The following ATXN1 variants were observed in gnomAD, a reference collection of about 807,000 sequenced individuals.
ATXN1 encodes the protein ataxin 1.
ATXN1 carries 8 observed loss-of-function variants against 56.4 expected under a neutral mutation model. That is an observed-to-expected ratio of 0.14 (90% confidence interval 0.08 to 0.26). ATXN1 has a LOEUF of 0.26. Ranked by LOEUF, ATXN1 falls within the 10% of genes least tolerant of loss-of-function variation. The pLI is 1.00. For missense variants in ATXN1, 987 were observed against 1,106.5 expected (o/e 0.89, Z 1.53); for synonymous variants, 514 against 494.6 (o/e 1.04, Z -0.52).
chr6:16,513,992 C>A (rs1761130465), intron 5 of ATXN1, among the ~76,000 whole-genome samples: 1 of 152,132 alleles, frequency 6.6e-6, no homozygotes, highest in South Asian at 2.1e-4. Flanking sequence ...CTCTGAATCC[C>A]AGGGAGCTCA....
intron 3 of ATXN1, among the ~76,000 whole-genome samples, chr6:16,640,276 A>C (rs1452548128): frequency 1.3e-5 from 2 of 152,170 alleles, no homozygotes; most frequent in Non-Finnish European, 2.9e-5. Flanking sequence ...TGAACCACAC[A>C]CCCCATATAA....
At chr6:16,615,283 G>T (rs1763187392) in intron 3 of ATXN1, 1 of 150,608 alleles carries the variant, frequency 6.6e-6, no homozygotes, top group East Asian at 1.9e-4. Context: ...GAATTTCATG[G>T]TTTTTTTGAC....
intron 6 of ATXN1, among the ~76,000 whole-genome samples, chr6:16,384,100 A>G (rs1301710247): frequency 6.6e-6 from 1 of 152,226 alleles, no homozygotes; most frequent in Non-Finnish European, 1.5e-5. Flanking sequence ...TGCAACATAT[A>G]TAGTCATATT....
At chr6:16,668,891 T>TGA (rs1758483951) in intron 2 of ATXN1, among the ~76,000 whole-genome samples, 1 of 152,112 alleles carries the variant, frequency 6.6e-6, no homozygotes, top group African/African-American at 2.4e-5. Context: ...CCTCCCACCT[T>TGA]GGCCTCCTGG....
intron 6 of ATXN1, among the ~76,000 whole-genome samples, chr6:16,375,931 A>T (rs2237218): frequency 0.19 from 28,517 of 152,164 alleles, 3,251 homozygotes; most frequent in East Asian, 0.5. Flanking sequence ...TTACCTACAG[A>T]TTTCCCACTG....
intron 6 of ATXN1, among the ~76,000 whole-genome samples, chr6:16,343,500 C>T (rs978115609): frequency 2.0e-5 from 3 of 152,146 alleles, no homozygotes; most frequent in Non-Finnish European, 2.9e-5. Context: ...CAGGACTGGA[C>T]GTCAGGGCAT....
intron 4 of ATXN1, among the ~76,000 whole-genome samples, chr6:16,532,068 T>A (rs1383199012): frequency 1.3e-5 from 2 of 152,224 alleles, no homozygotes; most frequent in East Asian, 3.8e-4. Flanking sequence ...CAATTGAAGA[T>A]ACTCATACAA....
At chr6:16,493,262 C>T (rs992910736) in intron 5 of ATXN1, among the ~76,000 whole-genome samples, 1 of 152,154 alleles carries the variant, frequency 6.6e-6, no homozygotes. Context: ...GCTTTTCCAA[C>T]TTCATTTCTA....
At chr6:16,455,734 A>C (rs1160976888) in intron 6 of ATXN1, among the ~76,000 whole-genome samples, 3 of 152,292 alleles carry the variant, frequency 2.0e-5, no homozygotes, top group Non-Finnish European at 4.4e-5. Context: ...TAAAAATGAG[A>C]GGTGAAGCCA....
At chr6:16,492,652 G>A (rs894744975) in intron 5 of ATXN1, among the ~76,000 whole-genome samples, 3 of 149,734 alleles carry the variant, frequency 2.0e-5, no homozygotes, top group East Asian at 1.9e-4. Context: ...GTACTTTCTT[G>A]GGTTCCTTAT....
At position 16,326,718 on chromosome 6, in the gene ATXN1, C is replaced by T; in HGVS notation, c.1593G>A (p.Glu531=). Residue 531 remains glutamate, a synonymous_variant, in exon 7 of 8, where the codon GAG becomes GAA. Coordinates refer to ENST00000436367, the MANE Select transcript of ATXN1 (RefSeq NM_001128164.2). The surrounding 1 kb of genome is among the most constrained non-coding windows in gnomAD (Gnocchi z 6.6). ...TFVTTALPKS[E]NFNPEALVTQ... is the part of the protein sequence containing the mutation. ...TGACCAGGGCCTCAGGGTTGAAGTT[C>T]TCGCTCTTGGGAAGGGCGGTGGTGA... is the stretch of plus-strand genomic sequence containing the variant. 1 of 1,613,606 alleles carries T rather than the reference C, an allele frequency of 6.2e-7. No homozygotes were observed. The highest frequency in any genetic ancestry group is 8.5e-7 in the Non-Finnish European group (1 of 1,180,004).
intron 6 of ATXN1, among the ~76,000 whole-genome samples, chr6:16,419,898 C>T (rs1758996744): frequency 6.6e-6 from 1 of 152,314 alleles, no homozygotes; most frequent in South Asian, 2.1e-4. Context: ...ATGAGGACCG[C>T]TCATCCTATC....
In ATXN1 at chr6:16,760,469, T is replaced by TGGCGGCGGC. The variant is rs537054490; in HGVS notation, c.-730+820_-730+828dup. ...AGCGGCCGCACCAACAGGGCGGCGG[T>TGGCGGCGGC]GGCGGCGGCGGCCAGGGCCGTCACC... On this transcript the variant is annotated intron_variant, in intron 1 of 7. Coordinates refer to ENST00000436367, the MANE Select transcript of ATXN1 (RefSeq NM_001128164.2). This position sits in a 1 kb window ranked among gnomAD's most constrained non-coding sequence, Gnocchi z 5.3. Among the ~76,000 whole-genome samples, 1 of 149,316 alleles carries TGGCGGCGGC rather than the reference T, an allele frequency of 6.7e-6. No individual in the cohort carries two copies. The highest frequency in any genetic ancestry group is 1.5e-5 in the Non-Finnish European group (1 of 67,116).
chr6:16,494,617 C>T (rs1391625398), intron 5 of ATXN1, among the ~76,000 whole-genome samples: 1 of 152,116 alleles, frequency 6.6e-6, no homozygotes, highest in Non-Finnish European at 1.5e-5. Flanking sequence ...GTTACATCTC[C>T]TTATGGACGT....
chr6:16,436,060 G>T (rs2113589224), intron 6 of ATXN1, among the ~76,000 whole-genome samples: 1 of 152,122 alleles, frequency 6.6e-6, no homozygotes, highest in Middle Eastern at 3.4e-3. Context: ...ACCACAACTG[G>T]CTAATTTTTG....
At chr6:16,371,243 G>T (rs565780838) in intron 6 of ATXN1, among the ~76,000 whole-genome samples, 9 of 151,924 alleles carry the variant, frequency 5.9e-5, no homozygotes, top group African/African-American at 1.9e-4. Flanking sequence ...AATTAAAAAT[G>T]AGTACCTATT....
At chr6:16,653,274 C>CG (rs1375227245) in intron 3 of ATXN1, among the ~76,000 whole-genome samples, 1 of 152,168 alleles carries the variant, frequency 6.6e-6, no homozygotes, top group African/African-American at 2.4e-5. Context: ...AAGAGGCGGA[C>CG]GGAAGGAGAG....
intron 4 of ATXN1, among the ~76,000 whole-genome samples, chr6:16,563,396 A>G (rs1762156335): frequency 6.6e-6 from 1 of 152,138 alleles, no homozygotes; most frequent in Admixed American, 6.6e-5. Flanking sequence ...CTGGAAAGGA[A>G]TGCATGGCAC....
intron 6 of ATXN1, among the ~76,000 whole-genome samples, chr6:16,444,087 G>A (rs1759584150): frequency 6.8e-6 from 1 of 147,878 alleles, no homozygotes; most frequent in South Asian, 2.1e-4. Flanking sequence ...CTGCATTCCA[G>A]CCTGGGCGAC....
Sources: allele counts gnomAD v4.1 joint callset (sites outside exome capture counted in the v4.1 genomes callset), GRCh38; gene constraint gnomAD v4.1.1; non-coding constraint Gnocchi (gnomAD v3.1); transcripts MANE v1.5; gene names NCBI Gene and HGNC (gene_info 2026-07-23, HGNC 2026-07-21).